The following SCHIP1 variants were observed in gnomAD, a reference collection of about 807,000 sequenced individuals.
The protein encoded by SCHIP1 is schwannomin-interacting protein 1.
Under a neutral mutation model 29.7 loss-of-function variants are expected in SCHIP1, and 8 were observed. The ratio of observed to expected loss-of-function variants is 0.27; its 90% CI spans 0.16 to 0.49. The LOEUF is 0.49. Among genes scored for constraint, SCHIP1 ranks in the 20% least tolerant of loss-of-function variants. The pLI is 0.99. For synonymous variants in SCHIP1, 76 were observed against 94.9 expected (o/e 0.80, Z 1.16); for missense variants, 193 against 294.6 (o/e 0.66, Z 2.52).
the SCHIP1 span, among the ~76,000 whole-genome samples, chr3:159,628,309 C>G: frequency 6.6e-6 from 1 of 152,170 alleles, no homozygotes; most frequent in Non-Finnish European, 1.5e-5. Flanking sequence ...AGGTTTGCTC[C>G]TGTCTGACAG....
the SCHIP1 span, among the ~76,000 whole-genome samples, chr3:159,740,028 A>T: frequency 0.011 from 1,610 of 152,284 alleles, 29 homozygotes; most frequent in African/African-American, 0.036. Flanking sequence ...AGCTTCCAAG[A>T]CTTCAGAAAA....
chr3:159,371,178 T>G, the SCHIP1 span, among the ~76,000 whole-genome samples: 1 of 152,152 alleles, frequency 6.6e-6, no homozygotes, highest in Non-Finnish European at 1.5e-5. Context: ...AACAAATATT[T>G]GTTGAATGAG....
chr3:159,335,391 C>A, the SCHIP1 span, among the ~76,000 whole-genome samples: 2 of 151,968 alleles, frequency 1.3e-5, no homozygotes, highest in Non-Finnish European at 2.9e-5. Flanking sequence ...GTGCACAATG[C>A]ACAGGTTAGT....
At chr3:159,310,866 G>A in the SCHIP1 span, among the ~76,000 whole-genome samples, 2 of 152,060 alleles carry the variant, frequency 1.3e-5, no homozygotes, top group South Asian at 4.1e-4. Flanking sequence ...GATTCAGGTG[G>A]TGACCTGAAT....
the SCHIP1 span, among the ~76,000 whole-genome samples, chr3:159,496,872 T>C: frequency 6.6e-6 from 1 of 152,126 alleles, no homozygotes; most frequent in Non-Finnish European, 1.5e-5. Flanking sequence ...CCAACAATGA[T>C]AGACTGGATT....
the SCHIP1 span, among the ~76,000 whole-genome samples, chr3:159,711,180 A>T: frequency 9.2e-5 from 14 of 152,006 alleles, no homozygotes; most frequent in South Asian, 2.9e-3. Context: ...GTTCAAAATG[A>T]AAGAATAATA....
At chr3:159,720,788 T>C in the SCHIP1 span, among the ~76,000 whole-genome samples, 4 of 152,166 alleles carry the variant, frequency 2.6e-5, no homozygotes, top group Non-Finnish European at 4.4e-5. Context: ...TTTTGCCATG[T>C]GGGCCAGACT....
chr3:159,502,173 T>C, the SCHIP1 span, among the ~76,000 whole-genome samples: 41 of 152,326 alleles, frequency 2.7e-4, no homozygotes, highest in African/African-American at 8.7e-4. Flanking sequence ...ATAAACCTGG[T>C]CTCAAGCTCA....
the SCHIP1 span, among the ~76,000 whole-genome samples, chr3:159,713,233 GAAGAAAGAAAGAAAGAAAGAAAGA>G: frequency 3.0e-4 from 38 of 124,626 alleles, no homozygotes; most frequent in African/African-American, 4.3e-4. Flanking sequence ...AGAAAGAAAG[GAAGAAAGAAAGAAAGAAAGAAAGA>G]AAGAAAGAAA....
the SCHIP1 span, among the ~76,000 whole-genome samples, chr3:159,681,549 C>T: frequency 2.6e-5 from 4 of 152,072 alleles, no homozygotes; most frequent in Non-Finnish European, 5.9e-5. Flanking sequence ...AAGGTTTGTT[C>T]CCTGAATAAT....
the SCHIP1 span, among the ~76,000 whole-genome samples, chr3:159,736,924 C>T: frequency 6.6e-6 from 1 of 151,728 alleles, no homozygotes; most frequent in Non-Finnish European, 1.5e-5. Flanking sequence ...TTAGTAGAGA[C>T]GGGGTTTCAC....
At chr3:159,783,764 T>C in the SCHIP1 span, among the ~76,000 whole-genome samples, 2 of 152,190 alleles carry the variant, frequency 1.3e-5, no homozygotes, top group African/African-American at 2.4e-5. Flanking sequence ...TTAAAGTAGT[T>C]GGCATATTTG....
At chr3:159,532,199 G>T in the SCHIP1 span, among the ~76,000 whole-genome samples, 1 of 152,024 alleles carries the variant, frequency 6.6e-6, no homozygotes, top group Non-Finnish European at 1.5e-5. Flanking sequence ...GCAAGATGCC[G>T]CTTTTTTTCT....
chr3:159,347,521 T>C, the SCHIP1 span, among the ~76,000 whole-genome samples: 2 of 152,196 alleles, frequency 1.3e-5, no homozygotes, highest in Non-Finnish European at 2.9e-5. Flanking sequence ...TTTGTAATGG[T>C]CAGAATGTGA....
At chr3:159,704,861 CTTTTTTCT>C in the SCHIP1 span, among the ~76,000 whole-genome samples, 1 of 144,024 alleles carries the variant, frequency 6.9e-6, no homozygotes, top group African/African-American at 2.5e-5. Context: ...TCCTTCCTTC[CTTTTTTCT>C]TTCTTTCTTT....
the SCHIP1 span, among the ~76,000 whole-genome samples, chr3:159,376,758 G>C: frequency 6.6e-6 from 1 of 152,054 alleles, no homozygotes; most frequent in Non-Finnish European, 1.5e-5. Context: ...TCTGGTACTT[G>C]CCCACCTCCT....
the SCHIP1 span, among the ~76,000 whole-genome samples, chr3:159,737,009 C>T: frequency 1.3e-5 from 2 of 152,210 alleles, no homozygotes; most frequent in Admixed American, 6.5e-5. Flanking sequence ...GCTGGGATTA[C>T]AGGCGTGAGC....
chr3:159,764,378 G>T, the SCHIP1 span: 149 of 1,505,794 alleles, frequency 9.9e-5, 2 homozygotes, highest in African/African-American at 1.5e-3. This position sits in a 1 kb window ranked among gnomAD's most constrained non-coding sequence, Gnocchi z 6.1. Context: ...GGGGCATTTG[G>T]GGCGGGTGGC....
chr3:159,429,735 C>G, the SCHIP1 span, among the ~76,000 whole-genome samples: 84,737 of 151,994 alleles, frequency 0.56, 24,838 homozygotes, highest in East Asian at 0.75. Flanking sequence ...TGAGGTCCAA[C>G]AGTGTAAAAT....
Sources: gnomAD v4.1 joint callset for allele counts (sites outside exome capture counted in the v4.1 genomes callset) on GRCh38, gnomAD v4.1.1 for gene constraint, Gnocchi (gnomAD v3.1) non-coding constraint, MANE v1.5 for transcripts, NCBI Gene and HGNC (gene_info 2026-07-23, HGNC 2026-07-21) for gene names.